The following ROBO2 variants were observed in gnomAD, a reference collection of about 807,000 sequenced individuals.
The protein encoded by ROBO2 is roundabout homolog 2.
A neutral mutation model predicts 160.8 loss-of-function variants in ROBO2; 53 were observed. That is an observed-to-expected ratio of 0.33 (90% CI 0.26 to 0.41). ROBO2 has a LOEUF of 0.41. Ranked by LOEUF, ROBO2 falls within the 10% of genes least tolerant of loss-of-function variation. ROBO2 has a pLI of 1.00. For missense variants in ROBO2, 1,577 were observed against 1,722.4 expected, an observed-to-expected ratio of 0.92 and a Z score of 1.49; for synonymous variants, 664 against 611.7, an observed-to-expected ratio of 1.09 and a Z score of -1.26.
At chr3:77,016,446 C>G (rs572115102) in intron 2 of ROBO2, among the ~76,000 whole-genome samples, 1 of 152,028 alleles carries the variant, frequency 6.6e-6, no homozygotes, top group Non-Finnish European at 1.5e-5. Context: ...TCCCTATCTT[C>G]GTATGCATTG....
chr3:76,006,441 A>G (rs2066022295), intron 2 of ROBO2, among the ~76,000 whole-genome samples: 1 of 152,156 alleles, frequency 6.6e-6, no homozygotes, highest in Admixed American at 6.5e-5. Flanking sequence ...GCAAAGTTAT[A>G]TTGGTGTGAT....
rs1452394082 is a variant in ROBO2 at position 77,602,649 on chromosome 3, A to ACCACCACCACCG, written c.3136+170_3136+181dup. The ACCACCACCACCG allele has an allele frequency of 2.0e-4, 162 of 826,626 alleles. 1 individual carries two copies. Among genetic ancestry groups the ACCACCACCACCG allele is most frequent in the African/African-American group, 1.4e-3 (84 of 59,056 alleles). The allele number at this position is 826,626 out of a possible 1,614,324, so 51.2% of individuals were successfully genotyped here. A position where few individuals can be genotyped will look rare whatever the true frequency, so the allele number is the denominator to read the frequency against. On this transcript the variant is annotated intron_variant, in intron 20 of 25. Coordinates refer to ENST00000461745, the Ensembl canonical transcript of ROBO2. ...GTTTCCAGTAACTTGAGTAATTCCT[A>ACCACCACCACCG]CCACCACCACCGCCACCACCACCAC...
At chr3:75,929,958 G>A (rs570532777) in intron 1 of ROBO2, among the ~76,000 whole-genome samples, 1 of 152,280 alleles carries the variant, frequency 6.6e-6, no homozygotes, top group South Asian at 2.1e-4. Flanking sequence ...GCCTCCCAAA[G>A]TGCTGGGATT....
chr3:76,772,036 A>G (rs958660721), intron 2 of ROBO2, among the ~76,000 whole-genome samples: 17 of 151,328 alleles, frequency 1.1e-4, no homozygotes, highest in African/African-American at 4.1e-4. Context: ...ATTTTTCCCA[A>G]CATTATTTAG....
intron 2 of ROBO2, among the ~76,000 whole-genome samples, chr3:76,138,646 G>T (rs1456371080): frequency 6.6e-6 from 1 of 152,006 alleles, no homozygotes; most frequent in African/African-American, 2.4e-5. Flanking sequence ...GGGACAATGA[G>T]ACATTTTATG....
chr3:76,180,130 C>T (rs1217256707), intron 2 of ROBO2, among the ~76,000 whole-genome samples: 17 of 152,114 alleles, frequency 1.1e-4, no homozygotes, highest in Admixed American at 1.1e-3. Context: ...TCAGTGAATT[C>T]TGTTATTGTG....
At chr3:76,815,664 G>A (rs1146011) in intron 2 of ROBO2, among the ~76,000 whole-genome samples, 39,604 of 151,248 alleles carry the variant, frequency 0.26, 5,471 homozygotes, top group East Asian at 0.44. Context: ...TGGGTAAATT[G>A]CATGTCAAAC....
At chr3:76,203,779 C>G (rs180744045) in intron 2 of ROBO2, among the ~76,000 whole-genome samples, 1 of 149,206 alleles carries the variant, frequency 6.7e-6, no homozygotes, top group African/African-American at 2.5e-5. Context: ...AGCGGCTTCC[C>G]GGTCAACAGA....
At chr3:75,983,623 G>A (rs2065338349) in intron 2 of ROBO2, among the ~76,000 whole-genome samples, 1 of 151,258 alleles carries the variant, frequency 6.6e-6, no homozygotes, top group African/African-American at 2.4e-5. Context: ...AATAAACTGT[G>A]TATAATAATT....
chr3:77,177,894 ATAT>A (rs1239497992), intron 2 of ROBO2, among the ~76,000 whole-genome samples: 1 of 152,016 alleles, frequency 6.6e-6, no homozygotes, highest in East Asian at 1.9e-4. Context: ...TGCTAAATAA[ATAT>A]TATGCTTCCC....
rs545353333 is a variant in ROBO2 at position 77,190,186 on chromosome 3, A to T, written c.388+91846A>T. 6.6e-5 allele frequency among the ~76,000 whole-genome samples: 10 copies of T among 152,058 alleles called. No homozygotes were observed. The East Asian group carries it at 1.7e-3, about 26-fold the overall frequency. On this transcript the variant is annotated intron_variant, in intron 2 of 25. Coordinates refer to ENST00000461745, the Ensembl canonical transcript of ROBO2. The stretch of plus-strand genomic sequence containing the variant: ...TGCATGAAATTTCTGCAAAGATCCT[A>T]TCTATATTAAACATGGGTTGTATTC...
rs1296680910 is a variant in ROBO2, at chr3:76,225,727, A to G, written c.109+288125A>G. Reference sequence around the variant, plus strand: ...ATTCCTTGTCTCCAAAAATAGAACAATAAAATAAAATAAAATAAAAATTCA... The same window carrying G: ...ATTCCTTGTCTCCAAAAATAGAACAGTAAAATAAAATAAAATAAAAATTCA... On this transcript the variant is annotated intron_variant, in intron 2 of 26. Transcript: ENST00000487694. Among the ~76,000 whole-genome samples, 3 of 150,358 alleles carry G rather than the reference A, an allele frequency of 2.0e-5. No individual in the cohort carries two copies. In the East Asian group the frequency reaches 5.8e-4, roughly 29 times the overall value.
intron 2 of ROBO2, among the ~76,000 whole-genome samples, chr3:77,306,762 C>T (rs1356388025): frequency 6.6e-6 from 1 of 152,176 alleles, no homozygotes; most frequent in Non-Finnish European, 1.5e-5. Flanking sequence ...TATCTCACAA[C>T]TTAGTAAATA....
At chr3:75,917,162 A>G (rs866876104) in intron 1 of ROBO2, among the ~76,000 whole-genome samples, 1 of 152,032 alleles carries the variant, frequency 6.6e-6, no homozygotes, top group Non-Finnish European at 1.5e-5. Flanking sequence ...CGCATTAGCT[A>G]TTTGTCCTAA....
intron 2 of ROBO2, among the ~76,000 whole-genome samples, chr3:77,277,693 C>T (rs557846694): frequency 4.6e-5 from 7 of 152,222 alleles, no homozygotes; most frequent in African/African-American, 9.6e-5. Context: ...TTTCTTTATC[C>T]GGTCTGTCAC....
chr3:76,273,016 T>A (rs377043940), intron 2 of ROBO2, among the ~76,000 whole-genome samples: 1 of 91,872 alleles, frequency 1.1e-5, no homozygotes, highest in Admixed American at 1.9e-4. Flanking sequence ...AAAAATATAT[T>A]ATATATAATA....
intron 2 of ROBO2, among the ~76,000 whole-genome samples, chr3:76,643,609 T>C (rs973787788): frequency 1.3e-5 from 2 of 152,150 alleles, no homozygotes; most frequent in Non-Finnish European, 2.9e-5. Flanking sequence ...TGTGCAAAAG[T>C]ATGTTTGTGT....
intron 1 of ROBO2, among the ~76,000 whole-genome samples, chr3:77,085,363 A>G (rs1252481835): frequency 6.6e-6 from 1 of 152,202 alleles, no homozygotes; most frequent in Non-Finnish European, 1.5e-5. Flanking sequence ...TCCAAATTTT[A>G]GAGCTATTTG....
chr3:76,234,912 G>A (rs1422683856), intron 2 of ROBO2, among the ~76,000 whole-genome samples: 7 of 152,036 alleles, frequency 4.6e-5, no homozygotes, highest in Non-Finnish European at 8.8e-5. Context: ...TTTTCCCCAC[G>A]GCAGATTGTA....
Sources: allele counts gnomAD v4.1 joint callset (sites outside exome capture counted in the v4.1 genomes callset), GRCh38; gene constraint gnomAD v4.1.1; transcripts MANE v1.5; gene names NCBI Gene and HGNC (gene_info 2026-07-23, HGNC 2026-07-21).